Variants in SOX5 observed in about 807,000 individuals in gnomAD.
SOX5 encodes transcription factor SOX-5.
In SOX5, 9 loss-of-function variants were observed where a neutral mutation model predicts 92.0. That is an observed-to-expected ratio of 0.10 (90% CI 0.06 to 0.17). SOX5 has a LOEUF of 0.17. Ranked by LOEUF, SOX5 falls within the 10% of genes least tolerant of loss-of-function variation. SOX5 has a pLI of 1.00. For missense variants in SOX5, 642 were observed against 944.5 expected (o/e 0.68, Z 4.20); for synonymous variants, 344 against 336.3 (o/e 1.02, Z -0.25).
intron 4 of SOX5, among the ~76,000 whole-genome samples, chr12:24,060,638 A>C (rs145756740): frequency 6.6e-6 from 1 of 152,328 alleles, no homozygotes; most frequent in East Asian, 1.9e-4. Flanking sequence ...TAGGCATAGG[A>C]CCATACCCTA....
At chr12:24,007,951 C>T (rs1952500373) in intron 4 of SOX5, among the ~76,000 whole-genome samples, 2 of 151,456 alleles carry the variant, frequency 1.3e-5, no homozygotes, top group South Asian at 4.1e-4. Flanking sequence ...AATAGTCTCA[C>T]AAAGCCTTCC....
intron 3 of SOX5, among the ~76,000 whole-genome samples, chr12:23,808,131 A>ATT (rs926425496): frequency 7.3e-6 from 1 of 137,158 alleles, no homozygotes; most frequent in Non-Finnish European, 1.6e-5. Context: ...ATATATATAT[A>ATT]TTTTTATATG....
intron 1 of SOX5, among the ~76,000 whole-genome samples, chr12:24,446,378 T>C (rs1277816294): frequency 6.6e-6 from 1 of 151,972 alleles, no homozygotes; most frequent in Non-Finnish European, 1.5e-5. Flanking sequence ...CATTTGAAGG[T>C]AAGAAGGAAG....
At chr12:23,870,306 G>T (rs1445061748) in intron 2 of SOX5, among the ~76,000 whole-genome samples, 1 of 152,116 alleles carries the variant, frequency 6.6e-6, no homozygotes, top group Non-Finnish European at 1.5e-5. Context: ...ACAGTATTGA[G>T]AAACCATCTG....
chr12:23,893,097 A>G (rs553671057), intron 2 of SOX5, among the ~76,000 whole-genome samples: 3 of 152,334 alleles, frequency 2.0e-5, no homozygotes, highest in East Asian at 1.9e-4. Context: ...AGCACAAAAC[A>G]TGGTACAGTG....
intron 9 of SOX5, among the ~76,000 whole-genome samples, chr12:23,595,517 G>A (rs997877352): frequency 6.6e-6 from 1 of 151,176 alleles, no homozygotes; most frequent in Non-Finnish European, 1.5e-5. Context: ...TACTTGAGAG[G>A]CTGAGGCAGG....
At chr12:24,376,155 T>C (rs1300015885) in intron 1 of SOX5, among the ~76,000 whole-genome samples, 1 of 152,248 alleles carries the variant, frequency 6.6e-6, no homozygotes, top group Non-Finnish European at 1.5e-5. Context: ...TATGGCAACT[T>C]GCCTAATTTA....
intron 1 of SOX5, among the ~76,000 whole-genome samples, chr12:24,542,297 T>C (rs781668621): frequency 6.6e-5 from 10 of 152,202 alleles, no homozygotes; most frequent in Non-Finnish European, 1.5e-4. Flanking sequence ...CTCCACCTAG[T>C]TGGCCCTTAG....
intron 4 of SOX5, among the ~76,000 whole-genome samples, chr12:24,164,810 G>A (rs996444223): frequency 3.9e-4 from 59 of 152,098 alleles, no homozygotes; most frequent in African/African-American, 1.2e-3. Context: ...AGTGGTTAAT[G>A]TGTCATTTGT....
chr12:23,579,073 G>A (rs1046221526), intron 9 of SOX5, among the ~76,000 whole-genome samples: 2 of 152,112 alleles, frequency 1.3e-5, no homozygotes, highest in African/African-American at 4.8e-5. Flanking sequence ...GGGGAATGGC[G>A]GTATTGATGA....
chr12:24,045,594 C>T (rs889959983), intron 4 of SOX5, among the ~76,000 whole-genome samples: 6 of 152,258 alleles, frequency 3.9e-5, no homozygotes, highest in South Asian at 2.1e-4. Context: ...GCCATCTTGC[C>T]GGCCAGAAGA....
At chr12:23,678,247 A>G (rs2086021998) in intron 6 of SOX5, among the ~76,000 whole-genome samples, 1 of 152,144 alleles carries the variant, frequency 6.6e-6, no homozygotes, top group Non-Finnish European at 1.5e-5. Context: ...ACCATTGTAA[A>G]TATACCCAAT....
At chr12:24,089,508 C>T (rs930844716) in intron 4 of SOX5, among the ~76,000 whole-genome samples, 7 of 152,182 alleles carry the variant, frequency 4.6e-5, no homozygotes, top group Admixed American at 1.3e-4. Flanking sequence ...TGTCTTTATA[C>T]ATTCAGGAAC....
intron 1 of SOX5, among the ~76,000 whole-genome samples, chr12:23,913,832 T>C (rs2097380511): frequency 1.3e-5 from 2 of 151,994 alleles, no homozygotes; most frequent in African/African-American, 2.4e-5. Context: ...TGTTCCCCCA[T>C]AGAACTCCAA....
At chr12:23,909,512 AG>A (rs1460200307) in intron 1 of SOX5, among the ~76,000 whole-genome samples, 3 of 152,224 alleles carry the variant, frequency 2.0e-5, no homozygotes, top group African/African-American at 7.2e-5. Flanking sequence ...AATCTGGAAA[AG>A]AAAAACTTAA....
intron 4 of SOX5, among the ~76,000 whole-genome samples, chr12:24,177,185 A>C (rs1198501602): frequency 6.6e-6 from 1 of 152,158 alleles, no homozygotes; most frequent in Non-Finnish European, 1.5e-5. Context: ...TCACATAATT[A>C]GGGAGGTGCT....
At chr12:23,550,293 T>C (rs1420820792) in intron 11 of SOX5, among the ~76,000 whole-genome samples, 1 of 151,910 alleles carries the variant, frequency 6.6e-6, no homozygotes, top group Non-Finnish European at 1.5e-5. Flanking sequence ...ATCAGGAATA[T>C]CATATTTTAA....
intron 4 of SOX5, among the ~76,000 whole-genome samples, chr12:24,092,897 T>G (rs1471129939): frequency 6.6e-6 from 1 of 152,196 alleles, no homozygotes; most frequent in East Asian, 1.9e-4. Context: ...TCTTTTCTCC[T>G]TGGCCTTTAA....
chr12:24,359,241 C>T (rs11047392), intron 2 of SOX5, among the ~76,000 whole-genome samples: 11,287 of 152,224 alleles, frequency 0.074, 463 homozygotes, highest in Middle Eastern at 0.11. Flanking sequence ...AACTATATCA[C>T]ATTATCCCAT....
Sources: allele counts gnomAD v4.1 joint callset (sites outside exome capture counted in the v4.1 genomes callset), GRCh38; gene constraint gnomAD v4.1.1; transcripts MANE v1.5; gene names NCBI Gene and HGNC (gene_info 2026-07-23, HGNC 2026-07-21).